Variants in CEP43 observed in about 807,000 individuals in gnomAD.
CEP43 encodes FGFR1 oncogene partner.
CEP43 carries 36 observed loss-of-function variants against 52.6 expected under a neutral mutation model. The ratio of observed to expected loss-of-function variants is 0.68; its 90% CI spans 0.52 to 0.90. CEP43 has a LOEUF of 0.90. Ranked by LOEUF, CEP43 falls within the 40% of genes least tolerant of loss-of-function variation. The probability of loss-of-function intolerance (pLI) is 0.00; values close to 1 mark genes in which losing one functional copy is unlikely to be tolerated. For missense variants in CEP43, 506 were observed against 472.8 expected (o/e 1.07, Z -0.65); for synonymous variants, 192 against 172.4 (o/e 1.11, Z -0.89).
At position 167,040,920 on chromosome 6, in the gene CEP43, T is replaced by C. The variant is rs1297829140; in HGVS notation, c.*942T>C. On this transcript the variant is annotated 3_prime_UTR_variant, in exon 13 of 13. Coordinates refer to ENST00000366847, the MANE Select transcript of CEP43 (RefSeq NM_007045.4). ...TAACCCTTAAAAATAGAGCCAATAA[T>C]AGAATTTCCACAGTCTCATTTATAC... is the stretch of plus-strand genomic sequence containing the variant. 1.9e-5 allele frequency: 19 copies of C among 1,024,006 alleles called. No homozygotes were observed. Among genetic ancestry groups the C allele is most frequent in the Non-Finnish European group, 2.2e-5 (19 of 852,230 alleles). 63.4% of individuals were successfully genotyped at this position (1,024,006 alleles called of 1,614,324 possible).
At chr6:167,026,188 C>T (rs1169310365) in intron 9 of CEP43, among the ~76,000 whole-genome samples, 1 of 152,134 alleles carries the variant, frequency 6.6e-6, no homozygotes, top group Admixed American at 6.5e-5. Context: ...CATAGGGAAA[C>T]CCTGTCTCTA....
In CEP43 at chr6:167,047,483, TTAAG is replaced by T. The variant is rs144608694; in HGVS notation, c.*7509_*7512del. On this transcript the variant is annotated 3_prime_UTR_variant, in exon 13 of 13. Coordinates refer to ENST00000366847, the MANE Select transcript of CEP43 (RefSeq NM_007045.4). ...CTTCCCTTACAGGGCTGCCCTGGTC[TTAAG>T]TAATGCCCACAGAGAGCTTAGCATT... 6.6e-6 allele frequency: 1 copy of T among 152,340 alleles called. No individual in the cohort carries two copies. The highest frequency in any genetic ancestry group is 1.9e-4 in the East Asian group (1 of 5,192). 9.4% of individuals were successfully genotyped at this position (152,340 alleles called of 1,614,324 possible).
At position 167,041,474 on chromosome 6, in the gene CEP43, G is replaced by A. The variant is rs914969110; in HGVS notation, c.*1496G>A. ...TTCATGTCTTAGTAAACAGCACCACGTGCAGATGTAATCTTGTTGCAGTCC... is the reference window on the plus strand; with the variant it reads ...TTCATGTCTTAGTAAACAGCACCACATGCAGATGTAATCTTGTTGCAGTCC... On this transcript the variant is annotated 3_prime_UTR_variant, in exon 13 of 13. Coordinates refer to ENST00000366847, the MANE Select transcript of CEP43 (RefSeq NM_007045.4). 4 of 1,058,872 alleles carry A rather than the reference G, an allele frequency of 3.8e-6. No homozygotes were observed. Among genetic ancestry groups the A allele is most frequent in the Non-Finnish European group, 4.6e-6 (4 of 875,360 alleles). 65.6% of individuals were successfully genotyped at this position (1,058,872 alleles called of 1,614,324 possible).
At chr6:167,004,706 T>C (rs1779812697) in intron 5 of CEP43, among the ~76,000 whole-genome samples, 1 of 96,828 alleles carries the variant, frequency 1.0e-5, no homozygotes, top group South Asian at 4.1e-4. Flanking sequence ...CATTCCATAC[T>C]GTGTATGAAG....
chr6:167,031,088 A>C (rs2128666675), intron 10 of CEP43, among the ~76,000 whole-genome samples: 1 of 152,268 alleles, frequency 6.6e-6, no homozygotes, highest in African/African-American at 2.4e-5. Context: ...TTTAAAAAAT[A>C]AAATAAATTT....
At chr6:167,006,230 G>A (rs756361617) in intron 5 of CEP43, among the ~76,000 whole-genome samples, 13 of 152,172 alleles carry the variant, frequency 8.5e-5, no homozygotes, top group African/African-American at 2.2e-4. Flanking sequence ...GAAAATATTC[G>A]GATAGGCTGA....
chr6:167,041,910 G>A lies in CEP43; in HGVS notation c.*1932G>A, dbSNP rs955158264. 4.6e-5 allele frequency: 30 copies of A among 649,534 alleles called. No homozygotes were observed. Among genetic ancestry groups the A allele is most frequent in the Admixed American group, 1.2e-4 (2 of 16,190 alleles). 40.2% of individuals were successfully genotyped at this position (649,534 alleles called of 1,614,324 possible). ...GCGATCTCGGCTCACTGCAACCTCC[G>A]CCTCCTGGGTTCAAGCGATTCTCCT... On this transcript the variant is annotated 3_prime_UTR_variant, in exon 13 of 13. Transcript: ENST00000366847.
chr6:167,039,880 T>C, intron 12 of CEP43, 24 bp from the exon 13 acceptor site: 1 of 1,611,822 alleles, frequency 6.2e-7, no homozygotes, highest in Non-Finnish European at 8.5e-7. Flanking sequence ...CACTTAATTA[T>C]TTTCTTTCTT....
intron 12 of CEP43, among the ~76,000 whole-genome samples, chr6:167,035,527 T>C (rs1188189195): frequency 2.0e-5 from 3 of 151,902 alleles, no homozygotes; most frequent in Non-Finnish European, 4.4e-5. Context: ...CTGGAGCTGC[T>C]ACTTACCACT....
intron 11 of CEP43, 105 bp downstream of exon 11, chr6:167,032,747 T>C (rs1037822681): frequency 1.9e-6 from 2 of 1,027,936 alleles, no homozygotes; most frequent in African/African-American, 3.2e-5. Flanking sequence ...TTAATGTATT[T>C]GATTCTGTTG....
chr6:167,021,487 T>C (rs1440256673), intron 7 of CEP43, among the ~76,000 whole-genome samples: 1 of 152,226 alleles, frequency 6.6e-6, no homozygotes, highest in East Asian at 1.9e-4. Context: ...AAATGTCAGC[T>C]GCTTTTATTA....
At chr6:167,035,985 C>G in intron 12 of CEP43, 1 of 857,584 alleles carries the variant, frequency 1.2e-6, no homozygotes, top group Non-Finnish European at 1.4e-6. Context: ...AACAGGCATT[C>G]AATAAATGGT....
In CEP43 at chr6:167,040,477, G is replaced by A. The variant is rs1780673257; in HGVS notation, c.*499G>A. On this transcript the variant is annotated 3_prime_UTR_variant, in exon 13 of 13. Coordinates refer to ENST00000366847, the MANE Select transcript of CEP43 (RefSeq NM_007045.4). ...AAATTTGTAATGCTGAAGTATATTAGTATAAGTTAAATTTGATGTGTCAAC... is the reference window on the plus strand; with the variant it reads ...AAATTTGTAATGCTGAAGTATATTAATATAAGTTAAATTTGATGTGTCAAC... 1 of 1,160,678 alleles carries A rather than the reference G, an allele frequency of 8.6e-7. No individual in the cohort carries two copies. Among genetic ancestry groups the A allele is most frequent in the East Asian group, 4.2e-5 (1 of 23,890 alleles). The allele number at this position is 1,160,678 out of a possible 1,614,324, so 71.9% of individuals were successfully genotyped here.
rs34585172 is a variant in CEP43, at chr6:167,024,876, T to C, written c.901T>C (p.Ser301Pro). 27,637 of 1,608,456 alleles carry C rather than the reference T, an allele frequency of 0.017. 404 individuals carry two copies. Among genetic ancestry groups the C allele is most frequent in the East Asian group, 0.076 (3,421 of 44,844 alleles). Residue 301 changes from serine to proline, a missense_variant, in exon 9 of 13, where the codon TCT (serine) becomes CCT (proline). By Grantham distance (74) the Ser-to-Pro change is moderately conservative (BLOSUM62 -1). Coordinates refer to ENST00000366847, the MANE Select transcript of CEP43 (RefSeq NM_007045.4). ...ACTCAGCTCCCTGGCGGGAGCCCCT[T>C]CTTTAAAAGACTCTGAGAGTAAGTG... ...SGLSSLAGAP[S>P]LKDSESKRGN...
At position 167,041,721 on chromosome 6, in the gene CEP43, C is replaced by A. The variant is rs1780699293; in HGVS notation, c.*1743C>A. 3.9e-6 allele frequency: 4 copies of A among 1,030,062 alleles called. No individual in the cohort carries two copies. The South Asian group carries it at 1.4e-4, about 36-fold the overall frequency. The allele number at this position is 1,030,062 out of a possible 1,614,324, so 63.8% of individuals were successfully genotyped here. ...TCGAACAGTAGCAACTGAAATTTGT[C>A]ACTTTTCTGTTACGCAGAGAATCAG... is the stretch of plus-strand genomic sequence containing the variant. On this transcript the variant is annotated 3_prime_UTR_variant, in exon 13 of 13. Transcript: ENST00000366847.
intron 9 of CEP43, 112 bp from the exon 10 acceptor site, chr6:167,026,434 AT>A: frequency 1.4e-6 from 1 of 706,278 alleles, no homozygotes; most frequent in Non-Finnish European, 2.6e-6. Flanking sequence ...GTTTTAGGTT[AT>A]TATGCTCCTG....
Position 167,040,257 on chromosome 6 carries a change from A to G in CEP43, c.*279A>G, listed in dbSNP as rs1248006853. The stretch of plus-strand genomic sequence containing the variant: ...CAGTTTCATTACAGGGAAGGAACCC[A>G]TGAAAACATCAGTGTTAAGAGCATG... On this transcript the variant is annotated 3_prime_UTR_variant, in exon 13 of 13. Transcript: ENST00000366847. 1 of 1,503,080 alleles carries G rather than the reference A, an allele frequency of 6.7e-7. No homozygotes were observed. Among genetic ancestry groups the G allele is most frequent in the Non-Finnish European group, 8.8e-7 (1 of 1,134,996 alleles). The allele number at this position is 1,503,080 out of a possible 1,614,324, so 93.1% of individuals were successfully genotyped here. A position where few individuals can be genotyped will look rare whatever the true frequency, so the allele number is the denominator to read the frequency against.
rs1401867046 is a variant in CEP43, at chr6:166,999,469, G to T, written c.57G>T (p.Leu19=). 1.4e-5 allele frequency: 21 copies of T among 1,484,596 alleles called. No homozygotes were observed. Among genetic ancestry groups the T allele is most frequent in the Non-Finnish European group, 1.9e-5 (21 of 1,115,530 alleles). 92.0% of individuals were successfully genotyped at this position (1,484,596 alleles called of 1,614,324 possible). The change falls in exon 1 of 13, where the codon CTG becomes CTT. Residue 19 remains leucine, a synonymous_variant. Transcript: ENST00000366847. ...AGGAGGACACGGAGCTGCGGGACCT[G>T]CTGGTGCAGACGCTGGAGAACAGCG... ...VAEEDTELRD[L]LVQTLENSGV... is the part of the protein sequence containing the mutation.
Position 167,049,089 on chromosome 6 carries a change from T to A in CEP43, c.*9111T>A, listed in dbSNP as rs1780838925. 1 of 152,254 alleles carries A rather than the reference T, an allele frequency of 6.6e-6. No individual in the cohort carries two copies. The highest frequency in any genetic ancestry group is 1.5e-5 in the Non-Finnish European group (1 of 68,042). 9.4% of individuals were successfully genotyped at this position (152,254 alleles called of 1,614,324 possible). A position where few individuals can be genotyped will look rare whatever the true frequency, so the allele number is the denominator to read the frequency against. On this transcript the variant is annotated 3_prime_UTR_variant, in exon 13 of 13. Transcript: ENST00000366847. ...GTCATATAGAACGTTTGCTGTTTAA[T>A]GTAGCACAGATGTATCAAAAAGCCA...
Sources: allele counts gnomAD v4.1 joint callset (sites outside exome capture counted in the v4.1 genomes callset), GRCh38; gene constraint gnomAD v4.1.1; transcripts MANE v1.5; gene names NCBI Gene and HGNC (gene_info 2026-07-23, HGNC 2026-07-21).